The following SOS2 variants were observed in gnomAD, a reference collection of about 807,000 sequenced individuals.
The protein encoded by SOS2 is son of sevenless homolog 2.
A neutral mutation model predicts 148.2 loss-of-function variants in SOS2; 65 were observed. The ratio of observed to expected loss-of-function variants is 0.44; its 90% confidence interval spans 0.36 to 0.54. SOS2 has a LOEUF of 0.54. SOS2 is among the 20% of genes least tolerant of loss of function. The pLI is 0.00. For synonymous variants in SOS2, 539 were observed against 537.1 expected, an observed-to-expected ratio of 1.00 and a Z score of -0.05; for missense variants, 1,341 against 1,590.2, an observed-to-expected ratio of 0.84 and a Z score of 2.67.
At chr14:50,119,243 T>C (rs1171566838) in intron 22 of SOS2, among the ~76,000 whole-genome samples, 1 of 152,214 alleles carries the variant, frequency 6.6e-6, no homozygotes, top group Non-Finnish European at 1.5e-5. Context: ...CAGTGAGGCT[T>C]AGAGCAGTAG....
At position 50,145,513 on chromosome 14, in the gene SOS2, A is replaced by G. The variant is rs1165427910; in HGVS notation, c.2468T>C (p.Ile823Thr). The change falls in exon 15 of 23, where the codon ATT becomes ACT. Residue 823 changes from isoleucine (I) to threonine (T), a missense_variant. Physicochemically the swap from Ile to Thr is moderately conservative, Grantham distance 89. This residue lies in a region of SOS2 where 408 missense variants were observed against 506.6 expected (regional missense o/e 0.81). Coordinates refer to ENST00000216373, the MANE Select transcript of SOS2 (RefSeq NM_006939.4). ...EINSPNLLKMIRHTTNLTLWF... is the reference protein window; with the variant it reads ...EINSPNLLKMTRHTTNLTLWF... ...GAGGGTGAGATTTGTGGTATGGCGA[A>G]TCATTTTTAATAAATTTGGAGAATT... 1 of 1,608,356 alleles carries G rather than the reference A, an allele frequency of 6.2e-7. No homozygotes were observed. The highest frequency in any genetic ancestry group is 8.5e-7 in the Non-Finnish European group (1 of 1,175,774).
chr14:50,148,038 A>AC (rs1221896767), intron 14 of SOS2, among the ~76,000 whole-genome samples: 3 of 152,202 alleles, frequency 2.0e-5, no homozygotes, highest in Non-Finnish European at 2.9e-5. Flanking sequence ...TTTTTTAATC[A>AC]GTAGATTTGT....
chr14:50,231,119 G>A, intron 1 of SOS2, 78 bp downstream of exon 1: 1 of 892,452 alleles, frequency 1.1e-6, no homozygotes, highest in Non-Finnish European at 1.5e-6. Context: ...CGAGCCCTGT[G>A]GGAGGGACGA....
At chr14:50,197,255 G>A (rs1478919686) in intron 4 of SOS2, among the ~76,000 whole-genome samples, 1 of 152,122 alleles carries the variant, frequency 6.6e-6, no homozygotes, top group Admixed American at 6.6e-5. Flanking sequence ...AAGATACACA[G>A]TTTCAAAGTA....
chr14:50,135,959 T>A (rs1335490620), intron 18 of SOS2, among the ~76,000 whole-genome samples: 1 of 152,152 alleles, frequency 6.6e-6, no homozygotes, highest in Non-Finnish European at 1.5e-5. Flanking sequence ...TAGCTTTATT[T>A]AATTTTGAAG....
Position 50,134,253 on chromosome 14 carries a change from A to T in SOS2, c.2959-14T>A, listed in dbSNP as rs2139529130. 4 of 1,201,564 alleles carry T rather than the reference A, an allele frequency of 3.3e-6. No homozygotes were observed. The highest frequency in any genetic ancestry group is 4.9e-6 in the Non-Finnish European group (4 of 815,792). The allele number at this position is 1,201,564 out of a possible 1,614,324, so 74.4% of individuals were successfully genotyped here. ...TTCAAAGAATCTCTGGAATTAAACA[A>T]ATAACACAAGTGCATATATAGTAAG... is the stretch of plus-strand genomic sequence containing the variant. On this transcript the variant is annotated splice_polypyrimidine_tract_variant and intron_variant, in intron 18 of 22. Transcript: ENST00000216373.
At chr14:50,213,123 G>T (rs1886933090) in intron 1 of SOS2, among the ~76,000 whole-genome samples, 1 of 152,142 alleles carries the variant, frequency 6.6e-6, no homozygotes, top group Non-Finnish European at 1.5e-5. Context: ...GAATGCCCAG[G>T]ATAAAATGAA....
intron 22 of SOS2, among the ~76,000 whole-genome samples, chr14:50,119,160 C>T (rs1324619081): frequency 6.6e-6 from 1 of 152,150 alleles, no homozygotes; most frequent in East Asian, 1.9e-4. Context: ...GCTTTATAGA[C>T]ATGAAAGGAC....
At chr14:50,144,556 G>C (rs1471352284) in intron 16 of SOS2, among the ~76,000 whole-genome samples, 1 of 152,034 alleles carries the variant, frequency 6.6e-6, no homozygotes, top group Admixed American at 6.6e-5. Context: ...TCCTGTCTCA[G>C]CCTCCGAAGT....
At chr14:50,200,891 T>C (rs1466186173) in intron 3 of SOS2, 62 bp downstream of exon 3, 52 of 1,499,408 alleles carry the variant, frequency 3.5e-5, no homozygotes, top group Admixed American at 8.6e-5. Flanking sequence ...TTTATAAATA[T>C]AGAAATAAAA....
chr14:50,139,280 TAAA>T (rs5808540), intron 17 of SOS2, among the ~76,000 whole-genome samples: 29,034 of 152,080 alleles, frequency 0.19, 2,907 homozygotes, highest in East Asian at 0.43. Context: ...TCATGAACAA[TAAA>T]AAAGTTTTTA....
intron 7 of SOS2, among the ~76,000 whole-genome samples, chr14:50,175,463 C>A: frequency 6.8e-6 from 1 of 146,434 alleles, no homozygotes. Flanking sequence ...TGTTTGGTGC[C>A]CTAGAGGTTT....
At chr14:50,156,409 A>C (rs907877205) in intron 12 of SOS2, 5 of 152,180 alleles carry the variant, frequency 3.3e-5, no homozygotes, top group African/African-American at 1.2e-4. Flanking sequence ...ATCATGTTGT[A>C]AGAATGAGAT....
intron 1 of SOS2, among the ~76,000 whole-genome samples, chr14:50,220,916 C>A (rs540034797): frequency 1.6e-4 from 25 of 152,298 alleles, no homozygotes; most frequent in Admixed American, 1.4e-3. Flanking sequence ...CAAGACAGTA[C>A]AGGCTAGAAA....
At chr14:50,140,893 A>G (rs1387850504) in intron 16 of SOS2, among the ~76,000 whole-genome samples, 4 of 152,128 alleles carry the variant, frequency 2.6e-5, no homozygotes, top group Non-Finnish European at 5.9e-5. Context: ...TATCATCAAT[A>G]AAGAAATCAG....
At chr14:50,124,514 G>A (rs547271112) in intron 21 of SOS2, among the ~76,000 whole-genome samples, 1 of 152,180 alleles carries the variant, frequency 6.6e-6, no homozygotes, top group African/African-American at 2.4e-5. Flanking sequence ...AACATCAAAG[G>A]GTGTGAACAT....
At chr14:50,178,703 TATATATATAC>T (rs1566839698) in intron 7 of SOS2, among the ~76,000 whole-genome samples, 631 of 17,996 alleles carry the variant, frequency 0.035, 17 homozygotes, top group African/African-American at 0.1. Flanking sequence ...TATATATATA[TATATATATAC>T]ACACATATAC....
At chr14:50,176,882 C>T (rs924583202) in intron 7 of SOS2, among the ~76,000 whole-genome samples, 1 of 152,182 alleles carries the variant, frequency 6.6e-6, no homozygotes, top group South Asian at 2.1e-4. Flanking sequence ...TGGTGGCATG[C>T]GCCTGTAGTC....
intron 21 of SOS2, among the ~76,000 whole-genome samples, chr14:50,129,629 C>T (rs1485216232): frequency 2.6e-5 from 4 of 152,236 alleles, no homozygotes; most frequent in African/African-American, 9.6e-5. Context: ...TCGTGATCCA[C>T]CTGCCTTGGC....
Sources: gnomAD v4.1 joint callset for allele counts (sites outside exome capture counted in the v4.1 genomes callset) on GRCh38, gnomAD v4.1.1 for gene constraint, gnomAD v4.1.1 regional missense constraint, MANE v1.5 for transcripts, NCBI Gene and HGNC (gene_info 2026-07-23, HGNC 2026-07-21) for gene names.